DNAH17: variants seen among roughly 807,000 people sequenced by gnomAD.
DNAH17 encodes dynein axonemal heavy chain 17.
A neutral mutation model predicts 485.6 loss-of-function variants in DNAH17; 376 were observed. The ratio of observed to expected loss-of-function variants is 0.77; its 90% CI spans 0.71 to 0.84. The LOEUF is 0.84. Among genes scored for constraint, DNAH17 ranks in the 40% least tolerant of loss-of-function variants. DNAH17 has a pLI of 0.00. For synonymous variants in DNAH17, 3,031 were observed against 2,405.9 expected, an observed-to-expected ratio of 1.26 and a Z score of -7.60; for missense variants, 6,370 against 5,839.3, an observed-to-expected ratio of 1.09 and a Z score of -2.96.
intron 63 of DNAH17, 98 bp downstream of exon 63, chr17:78,455,546 T>A (rs2087755893): frequency 3.3e-6 from 3 of 901,408 alleles, no homozygotes; most frequent in Non-Finnish European, 3.2e-6. Flanking sequence ...AGGCTGCTCA[T>A]GAACTCCTGG....
intron 58 of DNAH17, 100 bp downstream of exon 58, chr17:78,461,444 T>C: frequency 7.8e-7 from 1 of 1,278,134 alleles, no homozygotes; most frequent in South Asian, 1.7e-5. Flanking sequence ...GTCTCAGCCT[T>C]TCCCACGCCT....
At chr17:78,526,772 G>C in intron 23 of DNAH17, 35 bp from the exon 24 acceptor site, 3 of 1,577,332 alleles carry the variant, frequency 1.9e-6, no homozygotes, top group Non-Finnish European at 8.6e-7. Context: ...AGAGAGTCAC[G>C]GGGCGGCCAC....
At chr17:78,539,968 G>A (rs529006800) in intron 17 of DNAH17, 88 bp from the exon 18 acceptor site, 31 of 1,335,490 alleles carry the variant, frequency 2.3e-5, no homozygotes, top group South Asian at 6.1e-5. Flanking sequence ...TGGACCGCCC[G>A]TCCATGTTCA....
In DNAH17 at chr17:78,460,897, G is replaced by C. The variant is rs374176625; in HGVS notation, c.9340-640C>G. On this transcript the variant is annotated intron_variant, in intron 58 of 80. Transcript: ENST00000389840. ...TGTACATACTCATTCATTCACTCAG[G>C]AGACAGTGGGCCATGACTGGAACGC... 1.7e-4 allele frequency among the ~76,000 whole-genome samples: 26 copies of C among 152,246 alleles called. No homozygotes were observed. The South Asian group carries it at 5.4e-3, about 32-fold the overall frequency.
In DNAH17 at chr17:78,466,381, T is replaced by G. The variant is rs571727543; in HGVS notation, c.8940+274A>C. On this transcript the variant is annotated intron_variant, in intron 56 of 80. Coordinates refer to ENST00000389840, the MANE Select transcript of DNAH17 (RefSeq NM_173628.4). The stretch of plus-strand genomic sequence containing the variant: ...TATCTGCTGACCTTCCCTCCACTAT[T>G]GTCCTATGACCCTGCCAAGTCCCCC... 3.9e-5 allele frequency among the ~76,000 whole-genome samples: 6 copies of G among 152,104 alleles called. No individual in the cohort carries two copies. In the East Asian group the frequency reaches 1.2e-3, roughly 29 times the overall value.
intron 48 of DNAH17, among the ~76,000 whole-genome samples, chr17:78,484,156 A>C (rs1015649737): frequency 3.3e-5 from 5 of 149,740 alleles, no homozygotes; most frequent in Non-Finnish European, 7.4e-5. Context: ...TCATCTTTCC[A>C]AACTGCAAAC....
chr17:78,548,874 C>T (rs558864059), intron 16 of DNAH17, among the ~76,000 whole-genome samples: 2 of 152,356 alleles, frequency 1.3e-5, no homozygotes, highest in East Asian at 1.9e-4. Flanking sequence ...GTGTTCTCCC[C>T]GGCTCTGCTT....
intron 75 of DNAH17, among the ~76,000 whole-genome samples, 161 bp from the exon 76 acceptor site, chr17:78,429,461 C>T (rs772892001): frequency 6.6e-6 from 1 of 152,196 alleles, no homozygotes; most frequent in Non-Finnish European, 1.5e-5. Flanking sequence ...TCAGGGTCAC[C>T]AGGCCCCAGG....
intron 37 of DNAH17, among the ~76,000 whole-genome samples, chr17:78,498,259 C>T (rs1322573856): frequency 6.6e-6 from 1 of 152,198 alleles, no homozygotes; most frequent in Non-Finnish European, 1.5e-5. Context: ...GTCCACACCC[C>T]ACATGCTCCT....
intron 71 of DNAH17, 34 bp from the exon 72 acceptor site, chr17:78,441,233 T>C (rs752405170): frequency 1.7e-5 from 27 of 1,611,158 alleles, no homozygotes; most frequent in Non-Finnish European, 1.9e-5. Context: ...CAGCGGAACC[T>C]GAGGCTCTGG....
chr17:78,464,270 G>GT (rs911540592), intron 56 of DNAH17, among the ~76,000 whole-genome samples: 1 of 152,018 alleles, frequency 6.6e-6, no homozygotes, highest in African/African-American at 2.4e-5. Flanking sequence ...ACTGTTTTTT[G>GT]TTTTTTTGAG....
chr17:78,524,749 G>A (rs2091020036), intron 25 of DNAH17, among the ~76,000 whole-genome samples: 2 of 152,096 alleles, frequency 1.3e-5, no homozygotes, highest in South Asian at 4.1e-4. Flanking sequence ...GGAGGAAAAA[G>A]ACGAAGGGAG....
intron 73 of DNAH17, 122 bp downstream of exon 73, chr17:78,438,968 A>C: frequency 7.1e-7 from 1 of 1,400,752 alleles, no homozygotes; most frequent in Non-Finnish European, 9.5e-7. Flanking sequence ...TGGTGTTAGG[A>C]TTTCCACCCA....
intron 25 of DNAH17, among the ~76,000 whole-genome samples, chr17:78,516,975 T>C (rs2090803176): frequency 6.6e-6 from 1 of 152,232 alleles, no homozygotes; most frequent in African/African-American, 2.4e-5. Flanking sequence ...TTTCCTCAAA[T>C]GAGTTAATTC....
chr17:78,502,848 A>C, intron 32 of DNAH17, 38 bp downstream of exon 32: 1 of 1,604,968 alleles, frequency 6.2e-7, no homozygotes, highest in Non-Finnish European at 8.5e-7. Context: ...CCCTTATCTC[A>C]GCCACGAGGC....
Position 78,448,383 on chromosome 17 carries a change from C to T in DNAH17, c.11211+1031G>A, listed in dbSNP as rs147101327. 1.8e-3 allele frequency among the ~76,000 whole-genome samples: 269 copies of T among 152,074 alleles called. 1 individual carries two copies. The highest frequency in any genetic ancestry group is 6.2e-3 in the African/African-American group (256 of 41,492). ...AAAATTAAAAAACTGAAGAATTAGC[C>T]TAGCATGGTGGCACATGCCTGTAGT... On this transcript the variant is annotated intron_variant, in intron 69 of 80. Coordinates refer to ENST00000389840, the MANE Select transcript of DNAH17 (RefSeq NM_173628.4).
intron 19 of DNAH17, 22 bp downstream of exon 19, chr17:78,537,277 G>GC: frequency 6.4e-7 from 1 of 1,550,564 alleles, no homozygotes; most frequent in Non-Finnish European, 8.7e-7. Context: ...CCTGTGTACG[G>GC]CCAGAAGAGG....
At chr17:78,475,545 A>G (rs376131030) in intron 53 of DNAH17, 76 bp from the exon 54 acceptor site, 1 of 1,603,626 alleles carries the variant, frequency 6.2e-7, no homozygotes, top group Non-Finnish European at 8.5e-7. Context: ...GACTCTGCAC[A>G]TGCTGAGGTG....
At chr17:78,474,746 T>G (rs2146591800) in intron 54 of DNAH17, among the ~76,000 whole-genome samples, 1 of 142,712 alleles carries the variant, frequency 7.0e-6, no homozygotes, top group African/African-American at 2.7e-5. Flanking sequence ...CTGGCCAGAT[T>G]TCACACCCTT....
Sources: gnomAD v4.1 joint callset for allele counts (sites outside exome capture counted in the v4.1 genomes callset) on GRCh38, gnomAD v4.1.1 for gene constraint, MANE v1.5 for transcripts, NCBI Gene and HGNC (gene_info 2026-07-23, HGNC 2026-07-21) for gene names.